Variants in PLCB1 observed in about 807,000 individuals in gnomAD.
The protein encoded by PLCB1 is 1-phosphatidylinositol 4,5-bisphosphate phosphodiesterase beta-1.
PLCB1 carries 46 observed loss-of-function variants against 161.8 expected under a neutral mutation model. That is an observed-to-expected ratio of 0.28 (90% CI 0.22 to 0.36). PLCB1 has a LOEUF of 0.36. Among genes scored for constraint, PLCB1 ranks in the 10% least tolerant of loss-of-function variants. The probability of loss-of-function intolerance (pLI) is 1.00; values close to 1 mark genes in which losing one functional copy is unlikely to be tolerated. For synonymous variants in PLCB1, 517 were observed against 503.7 expected, an observed-to-expected ratio of 1.03 and a Z score of -0.35; for missense variants, 1,016 against 1,472.5, an observed-to-expected ratio of 0.69 and a Z score of 5.07.
At chr20:8,378,392 C>A (rs1376951090) in intron 3 of PLCB1, among the ~76,000 whole-genome samples, 2 of 152,104 alleles carry the variant, frequency 1.3e-5, no homozygotes, top group Non-Finnish European at 2.9e-5. Flanking sequence ...TTTGGTTTCC[C>A]ACTGCATGTA....
intron 31 of PLCB1, among the ~76,000 whole-genome samples, chr20:8,791,878 AC>A (rs1189539494): frequency 1.3e-5 from 2 of 152,298 alleles, no homozygotes; most frequent in East Asian, 3.9e-4. Context: ...AGAACTAATA[AC>A]TTTTGGCTGA....
chr20:8,651,362 G>A, intron 7 of PLCB1: 1 of 691,028 alleles, frequency 1.4e-6, no homozygotes, highest in Non-Finnish European at 2.7e-6. Flanking sequence ...ACTTTGGTGG[G>A]TCACAAGAAA....
At chr20:8,197,669 T>A (rs1003570215) in intron 2 of PLCB1, among the ~76,000 whole-genome samples, 3 of 152,192 alleles carry the variant, frequency 2.0e-5, no homozygotes, top group Non-Finnish European at 4.4e-5. Context: ...TTTCATTAGA[T>A]CCCATTTGTC....
intron 2 of PLCB1, among the ~76,000 whole-genome samples, chr20:8,340,989 A>G (rs555973469): frequency 6.6e-6 from 1 of 152,164 alleles, no homozygotes; most frequent in Non-Finnish European, 1.5e-5. Flanking sequence ...CAAGATGCCC[A>G]TGAACCAGTA....
At chr20:8,332,739 G>T (rs1985413441) in intron 2 of PLCB1, among the ~76,000 whole-genome samples, 1 of 152,176 alleles carries the variant, frequency 6.6e-6, no homozygotes, top group African/African-American at 2.4e-5. Flanking sequence ...CCTGGCTTTT[G>T]AGGCAGGAAC....
At chr20:8,739,625 G>A (rs1980767887) in intron 21 of PLCB1, among the ~76,000 whole-genome samples, 1 of 152,188 alleles carries the variant, frequency 6.6e-6, no homozygotes, top group Non-Finnish European at 1.5e-5. Context: ...TCTGTGGGTT[G>A]GCCGGGTTTG....
intron 2 of PLCB1, among the ~76,000 whole-genome samples, chr20:8,269,946 T>C (rs1244701421): frequency 6.6e-6 from 1 of 151,998 alleles, no homozygotes; most frequent in Non-Finnish European, 1.5e-5. Context: ...AGCTTTACAA[T>C]TTGGGGGTAT....
intron 31 of PLCB1, among the ~76,000 whole-genome samples, chr20:8,859,637 T>C (rs1310797992): frequency 6.6e-6 from 1 of 152,184 alleles, no homozygotes; most frequent in Non-Finnish European, 1.5e-5. Flanking sequence ...TCAATCTTTC[T>C]GGATGTTTTA....
intron 10 of PLCB1, among the ~76,000 whole-genome samples, chr20:8,696,774 C>T (rs2123425948): frequency 6.6e-6 from 1 of 152,188 alleles, no homozygotes; most frequent in East Asian, 1.9e-4. Context: ...CACTCTGTTG[C>T]CCAGGCTGGA....
At chr20:8,738,687 A>AG (rs1004089141) in intron 20 of PLCB1, among the ~76,000 whole-genome samples, 17 of 152,208 alleles carry the variant, frequency 1.1e-4, no homozygotes, top group Admixed American at 9.2e-4. Context: ...TCATGTAAAA[A>AG]TAAAACAGCC....
intron 3 of PLCB1, among the ~76,000 whole-genome samples, chr20:8,444,525 T>G (rs1174006045): frequency 2.6e-5 from 4 of 152,198 alleles, no homozygotes; most frequent in Non-Finnish European, 5.9e-5. Flanking sequence ...GCATGTGTCT[T>G]TATAGCAGCA....
intron 3 of PLCB1, among the ~76,000 whole-genome samples, chr20:8,390,938 C>T (rs1055696636): frequency 1.3e-5 from 2 of 150,910 alleles, no homozygotes; most frequent in Admixed American, 6.6e-5. Flanking sequence ...CATCTAGTTG[C>T]GGTAAGGACT....
intron 3 of PLCB1, among the ~76,000 whole-genome samples, chr20:8,512,322 T>A (rs1568707030): frequency 6.6e-6 from 1 of 152,152 alleles, no homozygotes; most frequent in East Asian, 1.9e-4. Flanking sequence ...TAGGCATAGG[T>A]GCTATATTTA....
At chr20:8,750,930 A>AAT in intron 23 of PLCB1, 22 of 532,776 alleles carry the variant, frequency 4.1e-5, no homozygotes, top group Non-Finnish European at 5.5e-5. Flanking sequence ...AAAGAACTGC[A>AAT]CTCTTTTTTT....
chr20:8,496,451 C>T (rs2122794356), intron 3 of PLCB1, among the ~76,000 whole-genome samples: 1 of 152,282 alleles, frequency 6.6e-6, no homozygotes, highest in Non-Finnish European at 1.5e-5. Flanking sequence ...CTGCATTAAG[C>T]AGTGATCGCG....
At chr20:8,874,966 C>T (rs1987728533) in intron 31 of PLCB1, among the ~76,000 whole-genome samples, 1 of 151,420 alleles carries the variant, frequency 6.6e-6, no homozygotes, top group Admixed American at 6.6e-5. Context: ...AATGTTATTG[C>T]TTCTTTAAAG....
At chr20:8,540,973 G>T (rs558107992) in intron 3 of PLCB1, among the ~76,000 whole-genome samples, 3 of 151,836 alleles carry the variant, frequency 2.0e-5, no homozygotes, top group Non-Finnish European at 2.9e-5. Flanking sequence ...TATTGTAACC[G>T]CCTGGCTCTC....
chr20:8,493,800 T>C (rs6133583), intron 3 of PLCB1, among the ~76,000 whole-genome samples: 1,827 of 78,602 alleles, frequency 0.023, 83 homozygotes, highest in African/African-American at 0.027. Context: ...CACTGGAAGC[T>C]GAACCTCAGG....
At chr20:8,627,183 A>G (rs1309246159) in intron 3 of PLCB1, among the ~76,000 whole-genome samples, 1 of 152,210 alleles carries the variant, frequency 6.6e-6, no homozygotes, top group Non-Finnish European at 1.5e-5. Context: ...ATGCAGCCAA[A>G]CAGAGAAAGT....
Sources: allele counts gnomAD v4.1 joint callset (sites outside exome capture counted in the v4.1 genomes callset), GRCh38; gene constraint gnomAD v4.1.1; transcripts MANE v1.5; gene names NCBI Gene and HGNC (gene_info 2026-07-23, HGNC 2026-07-21).